TENM1: variants seen among roughly 807,000 people sequenced by gnomAD.
TENM1 encodes teneurin-1.
In TENM1, 35 loss-of-function variants were observed where a neutral mutation model predicts 174.8. The ratio of observed to expected loss-of-function variants is 0.20; its 90% CI spans 0.15 to 0.27. TENM1 has a LOEUF of 0.27. TENM1 is among the 10% of genes least tolerant of loss of function. The probability of loss-of-function intolerance (pLI) is 1.00; values close to 1 mark genes in which losing one functional copy is unlikely to be tolerated. For missense variants in TENM1, 1,633 were observed against 2,130.1 expected, an observed-to-expected ratio of 0.77 and a Z score of 4.59; for synonymous variants, 781 against 798.7, an observed-to-expected ratio of 0.98 and a Z score of 0.37.
chrX:124,386,052 G>C, exon 29 of TENM1: 1 of 1,194,040 alleles, frequency 8.4e-7, no homozygotes, highest in Non-Finnish European at 1.1e-6. Flanking sequence ...CTGTGTAGGA[G>C]AAGCATCACA....
exon 32 of TENM1, chrX:124,380,416 G>C (rs1378767642): frequency 1.7e-6 from 1 of 597,054 alleles, no homozygotes; most frequent in Non-Finnish European, 2.5e-6. Context: ...AAGGCAGTTG[G>C]ATATGTTTTT....
At chrX:125,201,400 A>G in the TENM1 span, among the ~76,000 whole-genome samples, 2 of 112,589 alleles carry the variant, frequency 1.8e-5, no homozygotes, top group African/African-American at 6.5e-5. Context: ...ATGATTCTAC[A>G]AAGCATTCTT....
chrX:124,942,206 T>C lies in TENM1; in HGVS notation c.217+21331A>G, dbSNP rs188620200. 4.8e-3 allele frequency among the ~76,000 whole-genome samples: 534 copies of C among 111,920 alleles called. 6 individuals carry two copies. Among genetic ancestry groups the C allele is most frequent in the African/African-American group, 0.016 (498 of 30,814 alleles). On this transcript the variant is annotated intron_variant, in intron 1 of 31. Coordinates refer to ENST00000422452, the Ensembl canonical transcript of TENM1. ...GTCTTGCCAATTTAAATTTATCTCC[T>C]ATGTATGTCTCCCTTTTAGAAAATT... is the stretch of plus-strand genomic sequence containing the variant.
intron 11 of TENM1, among the ~76,000 whole-genome samples, chrX:124,610,316 T>C (rs749027610): frequency 9.8e-5 from 11 of 112,327 alleles, no homozygotes; most frequent in African/African-American, 3.5e-4. Context: ...AATACGTATT[T>C]ATACAGCTTA....
chrX:124,673,516 A>C (rs2051977214), intron 5 of TENM1, among the ~76,000 whole-genome samples: 1 of 111,762 alleles, frequency 8.9e-6, no homozygotes, highest in South Asian at 3.7e-4. Flanking sequence ...AGTAGTATGG[A>C]GAAGAATGAA....
At chrX:124,441,562 TGG>T in intron 23 of TENM1, among the ~76,000 whole-genome samples, 2 of 112,009 alleles carry the variant, frequency 1.8e-5, no homozygotes, top group Non-Finnish European at 3.8e-5. Context: ...TATAAGCCTT[TGG>T]ATCAGCGGGA....
intron 10 of TENM1, among the ~76,000 whole-genome samples, chrX:124,644,130 C>CAT (rs1336856869): frequency 1.4e-4 from 12 of 84,877 alleles, no homozygotes; most frequent in South Asian, 1.1e-3. Context: ...ATATATATGC[C>CAT]ATATATATAT....
chrX:125,167,706 G>A, the TENM1 span, among the ~76,000 whole-genome samples: 64 of 111,180 alleles, frequency 5.8e-4, no homozygotes, highest in African/African-American at 2.0e-3. Flanking sequence ...ATTTTGCTGT[G>A]TGTGTGTGTG....
chrX:124,519,792 A>G (rs1337723522), intron 18 of TENM1, among the ~76,000 whole-genome samples: 1 of 111,637 alleles, frequency 9.0e-6, no homozygotes, highest in Non-Finnish European at 1.9e-5. Context: ...CTTTTCTGCT[A>G]TTAAGGTATC....
rs764563126 is a variant in TENM1, at chrX:124,605,196, A to G, written c.2077+36595T>C. On this transcript the variant is annotated intron_variant, in intron 11 of 31. Coordinates refer to ENST00000422452, the Ensembl canonical transcript of TENM1. Reference sequence around the variant, plus strand: ...TGGCCTTTAATATCTAGAAAGTTCAATACTGCTTTCACCATACTAGATGGG... The same window carrying G: ...TGGCCTTTAATATCTAGAAAGTTCAGTACTGCTTTCACCATACTAGATGGG... Among the ~76,000 whole-genome samples, 5 of 100,738 alleles carry G rather than the reference A, an allele frequency of 5.0e-5. No individual in the cohort carries two copies. The South Asian group carries it at 2.5e-3, about 50-fold the overall frequency. 87.5% of individuals were successfully genotyped at this position (100,738 alleles called of 115,157 possible).
chrX:124,376,338 G>A (rs2060103254), exon 32 of TENM1: 1 of 111,984 alleles, frequency 8.9e-6, no homozygotes. Context: ...TCTCTTTTTC[G>A]CCTTCTTTCT....
intron 11 of TENM1, among the ~76,000 whole-genome samples, chrX:124,585,124 C>T (rs759846633): frequency 0.019 from 2,075 of 110,569 alleles, 55 homozygotes; most frequent in African/African-American, 0.065. Flanking sequence ...TTAGACAGAT[C>T]AACGAGACAG....
intron 11 of TENM1, among the ~76,000 whole-genome samples, chrX:124,613,900 G>C (rs1194484940): frequency 9.0e-6 from 1 of 111,436 alleles, no homozygotes; most frequent in Non-Finnish European, 1.9e-5. Context: ...TCTGGAGTTT[G>C]CACTCCTGAT....
chrX:124,481,781 A>G (rs750507885), exon 22 of TENM1: 12 of 1,202,044 alleles, frequency 1.0e-5, no homozygotes, highest in Non-Finnish European at 1.2e-5. Context: ...CATCTCCACA[A>G]TGACTCTGGT....
intron 18 of TENM1, among the ~76,000 whole-genome samples, chrX:124,504,544 T>C (rs983453965): frequency 3.6e-5 from 4 of 111,779 alleles, no homozygotes; most frequent in African/African-American, 6.5e-5. Context: ...TTTCTGATTC[T>C]TAAATTTACA....
chrX:124,528,374 A>G (rs1274180256), intron 16 of TENM1, among the ~76,000 whole-genome samples: 1 of 111,793 alleles, frequency 8.9e-6, no homozygotes, highest in East Asian at 2.8e-4. Flanking sequence ...TGAATATCAA[A>G]TAATTCACCG....
the TENM1 span, among the ~76,000 whole-genome samples, chrX:125,143,307 A>G: frequency 8.9e-6 from 1 of 112,016 alleles, no homozygotes; most frequent in African/African-American, 3.2e-5. Flanking sequence ...CTCTAATTTT[A>G]TTTAAAGGAA....
At chrX:125,177,811 G>A in the TENM1 span, among the ~76,000 whole-genome samples, 2 of 111,892 alleles carry the variant, frequency 1.8e-5, no homozygotes, top group African/African-American at 6.5e-5. Flanking sequence ...TCCAATGTTG[G>A]ACTTTTTGTT....
chrX:124,809,878 G>GAGAGAGAA (rs748623888), intron 3 of TENM1, among the ~76,000 whole-genome samples: 3 of 99,612 alleles, frequency 3.0e-5, no homozygotes, highest in African/African-American at 1.2e-4. Flanking sequence ...GAGAGAGAGA[G>GAGAGAGAA]AAGCAGGAAG....
Sources: gnomAD v4.1 joint callset for allele counts (sites outside exome capture counted in the v4.1 genomes callset) on GRCh38, gnomAD v4.1.1 for gene constraint, MANE v1.5 for transcripts, NCBI Gene and HGNC (gene_info 2026-07-23, HGNC 2026-07-21) for gene names.